TACC2: variants seen among roughly 807,000 people sequenced by gnomAD.
TACC2 encodes transforming acidic coiled-coil-containing protein 2.
TACC2 carries 137 observed loss-of-function variants against 227.3 expected under a neutral mutation model. That is an observed-to-expected ratio of 0.60 (90% CI 0.52 to 0.69). TACC2 has a LOEUF of 0.69. TACC2 is among the 30% of genes least tolerant of loss of function. The probability of loss-of-function intolerance (pLI) is 0.00; values close to 1 mark genes in which losing one functional copy is unlikely to be tolerated. For missense variants in TACC2, 3,470 were observed against 3,694.4 expected (o/e 0.94, Z 1.57); for synonymous variants, 1,523 against 1,487.5 (o/e 1.02, Z -0.55).
In TACC2 at chr10:122,090,455, G is replaced by A. The variant is rs547109013; in HGVS notation, c.5573+1864G>A. On this transcript the variant is annotated intron_variant, in intron 5 of 22. Coordinates refer to ENST00000369005, the MANE Select transcript of TACC2 (RefSeq NM_206862.4). ...CCAGCTACTCGGGAGGCTGAGGCAG[G>A]AGAATGGCGTGAACCCGGGAGGTGG... is the stretch of plus-strand genomic sequence containing the variant. Among the ~76,000 whole-genome samples, 3 of 150,344 alleles carry A rather than the reference G, an allele frequency of 2.0e-5. No homozygotes were observed. In the South Asian group the frequency reaches 6.3e-4, roughly 32 times the overall value.
At chr10:122,073,106 C>CAA (rs1164376721) in intron 3 of TACC2, among the ~76,000 whole-genome samples, 427 of 19,346 alleles carry the variant, frequency 0.022, 21 homozygotes, top group East Asian at 0.072. Context: ...GACTCTGTCT[C>CAA]AAAAAAAAAA....
intron 3 of TACC2, among the ~76,000 whole-genome samples, chr10:122,055,112 C>T (rs895947869): frequency 6.6e-6 from 1 of 152,042 alleles, no homozygotes; most frequent in African/African-American, 2.4e-5. Flanking sequence ...CCCAGCTACT[C>T]TGGAGGCTGA....
At chr10:122,071,294 C>T (rs2078025407) in intron 3 of TACC2, among the ~76,000 whole-genome samples, 1 of 152,072 alleles carries the variant, frequency 6.6e-6, no homozygotes, top group Non-Finnish European at 1.5e-5. Flanking sequence ...TATCTAGACA[C>T]GTTTGAAGGA....
chr10:122,098,339 A>C (rs182012115), intron 5 of TACC2, among the ~76,000 whole-genome samples: 12 of 152,246 alleles, frequency 7.9e-5, no homozygotes, highest in Non-Finnish European at 1.6e-4. Flanking sequence ...GCTCTTGGTT[A>C]CCCAGCACCT....
intron 2 of TACC2, among the ~76,000 whole-genome samples, chr10:122,024,980 G>T (rs1171986395): frequency 6.6e-6 from 1 of 152,140 alleles, no homozygotes; most frequent in African/African-American, 2.4e-5. Flanking sequence ...GTTTGATATG[G>T]AGCTGACAAA....
intron 6 of TACC2, among the ~76,000 whole-genome samples, chr10:122,133,224 C>T (rs2138874590): frequency 6.6e-6 from 1 of 152,210 alleles, no homozygotes; most frequent in Non-Finnish European, 1.5e-5. Context: ...GGCCTGGGGT[C>T]CCCGCCCCTG....
In TACC2 at chr10:122,237,809, G is replaced by A. The variant is rs1232215556; in HGVS notation, c.8272-152G>A. The A allele has an allele frequency of 4.3e-6, 3 of 705,062 alleles. No homozygotes were observed. In the Admixed American group the frequency reaches 8.9e-5, roughly 21 times the overall value. The allele number at this position is 705,062 out of a possible 1,614,324, so 43.7% of individuals were successfully genotyped here. ...GATATCTGGCTGCTTTCTTTTTTAT[G>A]CTCGGGGAAGTTCTCTGAATGTAAT... On this transcript the variant is annotated intron_variant, in intron 17 of 22. Coordinates refer to ENST00000369005, the MANE Select transcript of TACC2 (RefSeq NM_206862.4).
chr10:122,207,259 A>C (rs912109882), intron 8 of TACC2, among the ~76,000 whole-genome samples: 3 of 151,490 alleles, frequency 2.0e-5, no homozygotes, highest in Non-Finnish European at 4.4e-5. Flanking sequence ...AGATCGCACC[A>C]CTGCACTCCA....
intron 22 of TACC2, 88 bp downstream of exon 22, chr10:122,249,752 C>G (rs1383621516): frequency 2.4e-5 from 35 of 1,437,000 alleles, no homozygotes; most frequent in Non-Finnish European, 3.0e-5. Flanking sequence ...CTGGGCTTCC[C>G]TGGCCACTGC....
chr10:122,039,344 T>C (rs947384030), intron 2 of TACC2, among the ~76,000 whole-genome samples: 35 of 152,188 alleles, frequency 2.3e-4, no homozygotes, highest in African/African-American at 7.7e-4. Context: ...CTTGAGAGGG[T>C]TGGAACCTGG....
rs2137102436 is a variant in TACC2 at position 122,084,083 on chromosome 10, C to A, written c.1583C>A (p.Pro528Gln). 6.2e-7 allele frequency: 1 copy of A among 1,614,072 alleles called. No individual in the cohort carries two copies. The highest frequency in any genetic ancestry group is 8.5e-7 in the Non-Finnish European group (1 of 1,180,014). Residue 528 changes from proline (P) to glutamine (Q), a missense_variant, in exon 4 of 23, where the codon CCA becomes CAA. Physicochemically the swap from Pro to Gln is moderately conservative, Grantham distance 76. Coordinates refer to ENST00000369005, the MANE Select transcript of TACC2 (RefSeq NM_206862.4). ...LPKEQSHEVQ[P>Q]GAPPPPLPKA... is the part of the protein sequence containing the mutation. Reference sequence around the variant, plus strand: ...AAGGAGCAAAGCCATGAGGTCCAACCAGGAGCACCACCCCCTCCTCTTCCC... The same window carrying A: ...AAGGAGCAAAGCCATGAGGTCCAACAAGGAGCACCACCCCCTCCTCTTCCC...
chr10:122,227,590 C>T (rs1040778306), intron 13 of TACC2, among the ~76,000 whole-genome samples: 3 of 152,180 alleles, frequency 2.0e-5, no homozygotes, highest in East Asian at 3.9e-4. Context: ...AACCAAGCAG[C>T]GGGTGGTCTG....
intron 22 of TACC2, among the ~76,000 whole-genome samples, chr10:122,253,474 C>T (rs1255033811): frequency 6.6e-6 from 1 of 152,042 alleles, no homozygotes; most frequent in Non-Finnish European, 1.5e-5. Context: ...CTCGCATCTG[C>T]CCCCCACCCC....
At chr10:122,154,250 T>C (rs764922589) in intron 7 of TACC2, among the ~76,000 whole-genome samples, 29 of 152,244 alleles carry the variant, frequency 1.9e-4, no homozygotes, top group Non-Finnish European at 3.8e-4. Context: ...GGAGCCAAAC[T>C]TGCTGCTGCT....
rs566761447 is a variant in TACC2, at chr10:122,239,530, T to C, written c.8348+1493T>C. ...TCAAACGAAAGCCCTGCATTTGCAT[T>C]ATTTTTAAACCTCTTTGTTTTTTCT... On this transcript the variant is annotated intron_variant, in intron 18 of 22. Transcript: ENST00000369005. Among the ~76,000 whole-genome samples, 9 of 152,360 alleles carry C rather than the reference T, an allele frequency of 5.9e-5. No homozygotes were observed. In the East Asian group the frequency reaches 1.7e-3, roughly 29 times the overall value.
At chr10:122,187,836 A>G (rs2094262399) in intron 7 of TACC2, among the ~76,000 whole-genome samples, 1 of 152,156 alleles carries the variant, frequency 6.6e-6, no homozygotes. Flanking sequence ...AGGGCAGATC[A>G]GAGCTGCAAT....
chr10:122,248,352 C>A, intron 19 of TACC2: 1 of 322,604 alleles, frequency 3.1e-6, no homozygotes, highest in African/African-American at 2.0e-5. Flanking sequence ...CCAGGGACAC[C>A]AATATAGACC....
chr10:122,028,040 G>A (rs963400180), intron 2 of TACC2, among the ~76,000 whole-genome samples: 1 of 146,798 alleles, frequency 6.8e-6, no homozygotes, highest in African/African-American at 2.6e-5. Flanking sequence ...ACTGCGCCTG[G>A]CCCATTGTTT....
chr10:122,095,388 C>G (rs994962030), intron 5 of TACC2, among the ~76,000 whole-genome samples: 4 of 152,202 alleles, frequency 2.6e-5, no homozygotes, highest in Non-Finnish European at 5.9e-5. Context: ...TACTCCCTTA[C>G]AGCGCTGTTA....
Sources: gnomAD v4.1 joint callset for allele counts (sites outside exome capture counted in the v4.1 genomes callset) on GRCh38, gnomAD v4.1.1 for gene constraint, MANE v1.5 for transcripts, NCBI Gene and HGNC (gene_info 2026-07-23, HGNC 2026-07-21) for gene names.